Variants in EPHB1 observed in about 807,000 individuals in gnomAD.
The protein encoded by EPHB1 is ephrin type-B receptor 1.
A neutral mutation model predicts 94.4 loss-of-function variants in EPHB1; 30 were observed. The ratio of observed to expected loss-of-function variants is 0.32; its 90% CI spans 0.24 to 0.43. The LOEUF (loss-of-function observed/expected upper bound fraction) is 0.43, where lower values mean the gene tolerates loss of function less well. Among genes scored for constraint, EPHB1 ranks in the 20% least tolerant of loss-of-function variants. The probability of loss-of-function intolerance (pLI) is 1.00; values close to 1 mark genes in which losing one functional copy is unlikely to be tolerated. For synonymous variants in EPHB1, 522 were observed against 489.1 expected, an observed-to-expected ratio of 1.07 and a Z score of -0.89; for missense variants, 1,055 against 1,308.3, an observed-to-expected ratio of 0.81 and a Z score of 2.99.
chr3:135,176,633 A>T (rs567636570), intron 9 of EPHB1, among the ~76,000 whole-genome samples: 4 of 152,174 alleles, frequency 2.6e-5, no homozygotes, highest in Non-Finnish European at 5.9e-5. Flanking sequence ...TGTTCCGTTT[A>T]TGTGCACTTA....
intron 1 of EPHB1, among the ~76,000 whole-genome samples, chr3:134,851,214 C>T (rs1299182176): frequency 6.6e-6 from 1 of 152,218 alleles, no homozygotes; most frequent in African/African-American, 2.4e-5. Context: ...CAGCAGGGCA[C>T]ACCTGCCTAC....
chr3:135,062,087 C>G (rs1034689279), intron 3 of EPHB1, among the ~76,000 whole-genome samples: 28 of 152,150 alleles, frequency 1.8e-4, no homozygotes, highest in Admixed American at 1.8e-3. Flanking sequence ...TCTTTGTCCA[C>G]TCGTTGATGG....
chr3:135,192,977 A>T (rs1942498889), intron 11 of EPHB1, among the ~76,000 whole-genome samples, 154 bp downstream of exon 11: 1 of 152,226 alleles, frequency 6.6e-6, no homozygotes, highest in African/African-American at 2.4e-5. Flanking sequence ...TGCTAAAAGA[A>T]GAGAACAAAA....
chr3:135,021,377 A>T (rs983395713), intron 3 of EPHB1, among the ~76,000 whole-genome samples: 2 of 151,730 alleles, frequency 1.3e-5, no homozygotes, highest in African/African-American at 2.4e-5. Flanking sequence ...TATGTTTTTA[A>T]TTTTTTCTAT....
At chr3:134,797,380 A>G (rs2035850211) in intron 1 of EPHB1, among the ~76,000 whole-genome samples, 1 of 152,208 alleles carries the variant, frequency 6.6e-6, no homozygotes, top group Non-Finnish European at 1.5e-5. Context: ...CAGGAAAGCC[A>G]GGGTGAGCGC....
chr3:135,231,217 T>TTTAA (rs1943523039), intron 12 of EPHB1, among the ~76,000 whole-genome samples: 3 of 152,300 alleles, frequency 2.0e-5, no homozygotes, highest in African/African-American at 7.2e-5. Flanking sequence ...ATCCTTTCTT[T>TTTAA]TTAATTGTAA....
At chr3:134,851,396 T>C (rs1171948713) in intron 1 of EPHB1, among the ~76,000 whole-genome samples, 1 of 151,986 alleles carries the variant, frequency 6.6e-6, no homozygotes, top group Non-Finnish European at 1.5e-5. Context: ...TCTTTGCACT[T>C]CCCCCTCTGC....
chr3:135,247,692 C>CTGTT lies in EPHB1; in HGVS notation c.2497-623_2497-620dup, dbSNP rs113719249. On this transcript the variant is annotated intron_variant, in intron 13 of 15. Transcript: ENST00000398015. ...ATTTTGGACCACCTTGTTATTTTGA[C>CTGTT]TGTTGTCATTGATTTGAACCAATTA... 1.5e-3 allele frequency among the ~76,000 whole-genome samples: 235 copies of CTGTT among 152,308 alleles called. 1 individual carries two copies. Among genetic ancestry groups the CTGTT allele is most frequent in the African/African-American group, 5.4e-3 (223 of 41,564 alleles).
At chr3:135,120,226 T>C (rs1939894365) in intron 4 of EPHB1, among the ~76,000 whole-genome samples, 1 of 152,272 alleles carries the variant, frequency 6.6e-6, no homozygotes, top group Non-Finnish European at 1.5e-5. Context: ...CTTTATGATA[T>C]TCTTTATTCC....
intron 1 of EPHB1, among the ~76,000 whole-genome samples, chr3:134,845,822 G>A (rs1468206664): frequency 6.6e-6 from 1 of 152,156 alleles, no homozygotes; most frequent in African/African-American, 2.4e-5. Flanking sequence ...CTGTGGAGTT[G>A]AGGAGCATCT....
At chr3:134,996,075 A>G (rs531501838) in intron 3 of EPHB1, among the ~76,000 whole-genome samples, 3 of 152,332 alleles carry the variant, frequency 2.0e-5, no homozygotes, top group Admixed American at 6.5e-5. Context: ...AAATTTAGCA[A>G]CTTATTTCAC....
intron 1 of EPHB1, among the ~76,000 whole-genome samples, chr3:134,810,361 T>C (rs1476151822): frequency 2.6e-5 from 4 of 151,090 alleles, no homozygotes; most frequent in Admixed American, 6.6e-5. Flanking sequence ...TTTAGCAAAT[T>C]AGAATATTCT....
At chr3:134,811,258 TTTTTTC>T (rs2036174246) in intron 1 of EPHB1, among the ~76,000 whole-genome samples, 1 of 136,528 alleles carries the variant, frequency 7.3e-6, no homozygotes. Context: ...TTTTTTTTTT[TTTTTTC>T]TGTCTTGCTC....
rs72984097 is a variant in EPHB1, at chr3:134,891,076, A to G, written c.59-34740A>G. Among the ~76,000 whole-genome samples the G allele has an allele frequency of 7.8e-3, 1,190 of 152,268 alleles. 12 individuals carry two copies. The highest frequency in any genetic ancestry group is 0.026 in the African/African-American group (1,081 of 41,544). ...CCTACTGTTCCCACAACAATGCTAAACAATCATAGTAAATGTGACATTTTA... is the reference window on the plus strand; with the variant it reads ...CCTACTGTTCCCACAACAATGCTAAGCAATCATAGTAAATGTGACATTTTA... On this transcript the variant is annotated intron_variant, in intron 1 of 15. Transcript: ENST00000398015.
intron 2 of EPHB1, among the ~76,000 whole-genome samples, chr3:134,928,627 G>A (rs1340985805): frequency 6.6e-6 from 1 of 152,202 alleles, no homozygotes; most frequent in Non-Finnish European, 1.5e-5. Context: ...CAAGCTTGAA[G>A]CGTCTCTGAG....
intron 3 of EPHB1, among the ~76,000 whole-genome samples, chr3:135,002,813 AT>A (rs1325425047): frequency 6.6e-6 from 1 of 151,752 alleles, no homozygotes; most frequent in Non-Finnish European, 1.5e-5. Flanking sequence ...TATCCCCTTT[AT>A]CATTTTTTAT....
chr3:135,022,449 A>G (rs1469287213), intron 3 of EPHB1, among the ~76,000 whole-genome samples: 1 of 152,194 alleles, frequency 6.6e-6, no homozygotes, highest in East Asian at 1.9e-4. Flanking sequence ...ATAGCATGGA[A>G]TTATGTTTCT....
intron 13 of EPHB1, among the ~76,000 whole-genome samples, chr3:135,242,261 C>T (rs540732268): frequency 1.3e-5 from 2 of 152,242 alleles, no homozygotes; most frequent in South Asian, 2.1e-4. Flanking sequence ...CTTCCCATCA[C>T]TTTGGGAGGG....
At chr3:134,844,278 T>G (rs1364083447) in intron 1 of EPHB1, among the ~76,000 whole-genome samples, 2 of 152,194 alleles carry the variant, frequency 1.3e-5, no homozygotes, top group Admixed American at 6.5e-5. Flanking sequence ...TTCTCTGCCA[T>G]TGGATCTGTG....
Sources: gnomAD v4.1 joint callset for allele counts (sites outside exome capture counted in the v4.1 genomes callset) on GRCh38, gnomAD v4.1.1 for gene constraint, MANE v1.5 for transcripts, NCBI Gene and HGNC (gene_info 2026-07-23, HGNC 2026-07-21) for gene names.